The following PDE1C variants were observed in gnomAD, a reference collection of about 807,000 sequenced individuals.
The protein encoded by PDE1C is phosphodiesterase 1C.
PDE1C carries 62 observed loss-of-function variants against 93.1 expected under a neutral mutation model. The observed-to-expected ratio is 0.67, with a 90% confidence interval of 0.54 to 0.82. The LOEUF (loss-of-function observed/expected upper bound fraction) is 0.82, where lower values mean the gene tolerates loss of function less well. Ranked by LOEUF, PDE1C falls within the 40% of genes least tolerant of loss-of-function variation. The pLI, the probability that PDE1C is intolerant of heterozygous loss-of-function variation, is 0.00. For missense variants in PDE1C, 742 were observed against 884.6 expected (o/e 0.84, Z 2.04); for synonymous variants, 325 against 310.1 (o/e 1.05, Z -0.50).
At chr7:32,165,300 T>TGA (rs1416328608) in intron 3 of PDE1C, among the ~76,000 whole-genome samples, 2 of 152,236 alleles carry the variant, frequency 1.3e-5, no homozygotes, top group Admixed American at 6.5e-5. Context: ...CTCATTCACA[T>TGA]GCGTTATCTC....
At chr7:31,695,673 G>C in the PDE1C span, 36 of 1,541,222 alleles carry the variant, frequency 2.3e-5, no homozygotes, top group Non-Finnish European at 3.1e-5. Context: ...CTTGCCACTA[G>C]GTTGCATTGT....
At chr7:32,232,693 C>T (rs1014242) in intron 1 of PDE1C, among the ~76,000 whole-genome samples, 82,992 of 152,140 alleles carry the variant, frequency 0.55, 24,688 homozygotes, top group Admixed American at 0.67. Flanking sequence ...GAGCAGCACA[C>T]AATTAAATCT....
At chr7:31,931,574 C>G (rs967682573) in intron 2 of PDE1C, among the ~76,000 whole-genome samples, 1 of 152,118 alleles carries the variant, frequency 6.6e-6, no homozygotes, top group African/African-American at 2.4e-5. Flanking sequence ...AACCACTGTT[C>G]AAGGAAATAA....
At chr7:31,654,569 C>T in the PDE1C span, among the ~76,000 whole-genome samples, 1 of 152,130 alleles carries the variant, frequency 6.6e-6, no homozygotes, top group African/African-American at 2.4e-5. Flanking sequence ...GAGGCTGTTG[C>T]TGTCATCCCC....
At chr7:32,393,191 A>G (rs576994135) in intron 1 of PDE1C, among the ~76,000 whole-genome samples, 39 of 152,246 alleles carry the variant, frequency 2.6e-4, no homozygotes, top group Non-Finnish European at 5.0e-4. Context: ...CCCTAAAATC[A>G]GGAACAAGGC....
intron 2 of PDE1C, among the ~76,000 whole-genome samples, chr7:31,932,421 G>T (rs113160071): frequency 2.6e-5 from 4 of 152,134 alleles, no homozygotes; most frequent in Middle Eastern, 6.8e-3. Flanking sequence ...ATGAGCAGAC[G>T]TTTCTCAAAA....
chr7:31,842,036 G>A (rs1036824498), intron 9 of PDE1C, among the ~76,000 whole-genome samples: 3 of 152,192 alleles, frequency 2.0e-5, no homozygotes, highest in East Asian at 1.9e-4. Context: ...GCTTTACTCA[G>A]TCTACCCTCT....
chr7:31,665,173 C>T, the PDE1C span, among the ~76,000 whole-genome samples: 1 of 152,096 alleles, frequency 6.6e-6, no homozygotes, highest in South Asian at 2.1e-4. Flanking sequence ...GGGGCTTTTC[C>T]CTCTTTGCAT....
At chr7:31,667,760 G>A in the PDE1C span, among the ~76,000 whole-genome samples, 1 of 151,974 alleles carries the variant, frequency 6.6e-6, no homozygotes. Flanking sequence ...TCTGTCATTG[G>A]GGTTGTAAGT....
At chr7:31,925,463 A>AG (rs1161396209) in intron 2 of PDE1C, among the ~76,000 whole-genome samples, 2 of 42,722 alleles carry the variant, frequency 4.7e-5, no homozygotes, top group Non-Finnish European at 8.8e-5. Context: ...CAGGATGCTT[A>AG]GGAAAAACTC....
intron 2 of PDE1C, among the ~76,000 whole-genome samples, chr7:31,950,324 C>T (rs1226482544): frequency 6.6e-6 from 1 of 152,168 alleles, no homozygotes; most frequent in Non-Finnish European, 1.5e-5. Context: ...GACTCACCAA[C>T]AAGCAATATA....
At chr7:31,683,127 A>G in the PDE1C span, among the ~76,000 whole-genome samples, 6 of 152,192 alleles carry the variant, frequency 3.9e-5, no homozygotes, top group African/African-American at 1.4e-4. Flanking sequence ...ATACACACAG[A>G]CAGAGTTGGG....
chr7:32,237,510 G>A (rs1808196390), intron 1 of PDE1C, among the ~76,000 whole-genome samples: 1 of 151,672 alleles, frequency 6.6e-6, no homozygotes, highest in South Asian at 2.1e-4. Flanking sequence ...GTACACATAT[G>A]AATTTAAATA....
At chr7:31,697,602 C>T in the PDE1C span, among the ~76,000 whole-genome samples, 6 of 152,218 alleles carry the variant, frequency 3.9e-5, no homozygotes, top group East Asian at 1.9e-4. Flanking sequence ...CAGCCCCAGT[C>T]TGTAAAGGAG....
At chr7:31,933,056 G>A (rs1414916103) in intron 2 of PDE1C, among the ~76,000 whole-genome samples, 1 of 151,954 alleles carries the variant, frequency 6.6e-6, no homozygotes, top group Non-Finnish European at 1.5e-5. Flanking sequence ...CACACACTGG[G>A]ATCTGTCAGG....
At chr7:31,828,246 GGCTTCCT>G (rs1449851964) in intron 12 of PDE1C, 39 bp downstream of exon 12, 1 of 1,496,144 alleles carries the variant, frequency 6.7e-7, no homozygotes, top group Non-Finnish European at 9.3e-7. Flanking sequence ...TACTTCTACA[GGCTTCCT>G]GCTTTGGTGC....
chr7:32,024,848 G>A (rs1380361469), intron 2 of PDE1C, among the ~76,000 whole-genome samples: 1 of 152,100 alleles, frequency 6.6e-6, no homozygotes. Flanking sequence ...CAAGGCAACT[G>A]CAGATTCCTC....
upstream of PDE1C, among the ~76,000 whole-genome samples, chr7:32,300,457 G>A (rs1243107083): frequency 6.6e-6 from 1 of 152,166 alleles, no homozygotes; most frequent in Non-Finnish European, 1.5e-5. Context: ...CCTTGAGACT[G>A]TAATACCCAT....
At chr7:32,222,199 A>T (rs1339618596) in intron 1 of PDE1C, among the ~76,000 whole-genome samples, 1 of 152,188 alleles carries the variant, frequency 6.6e-6, no homozygotes, top group Non-Finnish European at 1.5e-5. Flanking sequence ...ATGCACTGTC[A>T]GCACTGTGAT....
Sources: gnomAD v4.1 joint callset for allele counts (sites outside exome capture counted in the v4.1 genomes callset) on GRCh38, gnomAD v4.1.1 for gene constraint, MANE v1.5 for transcripts, NCBI Gene and HGNC (gene_info 2026-07-23, HGNC 2026-07-21) for gene names.